GTPBP4: variants seen among roughly 807,000 people sequenced by gnomAD.
GTPBP4 encodes the protein GTP-binding protein 4.
A neutral mutation model predicts 81.7 loss-of-function variants in GTPBP4; 15 were observed. The ratio of observed to expected loss-of-function variants is 0.18; its 90% CI spans 0.12 to 0.28. GTPBP4 has a LOEUF of 0.28. GTPBP4 is among the 10% of genes least tolerant of loss of function. The pLI is 1.00. For synonymous variants in GTPBP4, 272 were observed against 274.6 expected, an observed-to-expected ratio of 0.99 and a Z score of 0.09; for missense variants, 847 against 793.8, an observed-to-expected ratio of 1.07 and a Z score of -0.81.
intron 16 of GTPBP4, among the ~76,000 whole-genome samples, 158 bp downstream of exon 16, chr10:1,016,054 C>G (rs112275815): frequency 1.3e-5 from 2 of 152,202 alleles, no homozygotes; most frequent in Non-Finnish European, 2.9e-5. Context: ...GAGGAGAGCA[C>G]GGGTCAGGGT....
In GTPBP4 at chr10:1,019,714, G is replaced by C. The variant is rs756409644; in HGVS notation, c.*2487G>C. 2 of 1,613,906 alleles carry C rather than the reference G, an allele frequency of 1.2e-6. No homozygotes were observed. Among genetic ancestry groups the C allele is most frequent in the Non-Finnish European group, 1.7e-6 (2 of 1,180,002 alleles). On this transcript the variant is annotated 3_prime_UTR_variant, in exon 17 of 17. Transcript: ENST00000360803. ...ATGCTTTTCGTTTCACTGGGATCCG[G>C]GTTCAGAGTGACGTTTTTCCTCACA...
At chr10:1,010,339 A>C in intron 12 of GTPBP4, 81 bp from the exon 13 acceptor site, 1 of 736,136 alleles carries the variant, frequency 1.4e-6, no homozygotes, top group South Asian at 1.5e-5. Flanking sequence ...ATTTGCCGTC[A>C]GTCACAACTC....
At chr10:1,009,135 C>G (rs1293090290) in intron 11 of GTPBP4, 100 bp downstream of exon 11, 4 of 833,314 alleles carry the variant, frequency 4.8e-6, no homozygotes, top group Non-Finnish European at 8.0e-6. Flanking sequence ...CCGCGGGTGC[C>G]CAGACACTGG....
chr10:1,003,830 C>T (rs1291113863), intron 8 of GTPBP4, among the ~76,000 whole-genome samples: 1 of 152,164 alleles, frequency 6.6e-6, no homozygotes, highest in African/African-American at 2.4e-5. Flanking sequence ...GGTGTCAGGT[C>T]TGACATGGTC....
chr10:1,005,796 C>T (rs745560019), intron 8 of GTPBP4, 22 bp from the exon 9 acceptor site: 15 of 1,345,642 alleles, frequency 1.1e-5, no homozygotes, highest in Admixed American at 3.4e-5. Context: ...ATACATCTCT[C>T]GTTTTTTCTT....
chr10:995,072 G>A (rs1033840681), intron 2 of GTPBP4, among the ~76,000 whole-genome samples: 1 of 152,194 alleles, frequency 6.6e-6, no homozygotes, highest in African/African-American at 2.4e-5. Context: ...ACATGGGATT[G>A]GAGGTGGTAG....
chr10:997,073 C>A (rs1831548962), intron 4 of GTPBP4, 135 bp from the exon 5 acceptor site: 1 of 682,964 alleles, frequency 1.5e-6, no homozygotes, highest in Non-Finnish European at 2.6e-6. Flanking sequence ...CTATTTTCTC[C>A]ATCACTTTTG....
chr10:991,853 G>T lies in GTPBP4; in HGVS notation c.49-636G>T, dbSNP rs547051467. ...TGGGACTACAGGTGCCCGCTACCAC[G>T]CCCGGCTAATTTTTTGTATTTTTAG... On this transcript the variant is annotated intron_variant, in intron 1 of 16. Transcript: ENST00000360803. Among the ~76,000 whole-genome samples, 1,093 of 148,894 alleles carry T rather than the reference G, an allele frequency of 7.3e-3. 17 individuals are homozygous for T. The highest frequency in any genetic ancestry group is 0.025 in the African/African-American group (1,032 of 40,842).
chr10:997,514 G>A (rs1301108840), intron 5 of GTPBP4, among the ~76,000 whole-genome samples: 3 of 152,218 alleles, frequency 2.0e-5, no homozygotes, highest in Non-Finnish European at 4.4e-5. Context: ...AGGAGTTCCC[G>A]GTGCCTGAGC....
chr10:989,020 C>T (rs1589020385), intron 1 of GTPBP4: 1 of 155,116 alleles, frequency 6.4e-6, no homozygotes, highest in Middle Eastern at 3.3e-3. Flanking sequence ...TTTGGGAATA[C>T]CTGTTCCTTT....
intron 15 of GTPBP4, among the ~76,000 whole-genome samples, chr10:1,014,826 T>C (rs1273664249): frequency 6.6e-6 from 1 of 150,532 alleles, no homozygotes; most frequent in African/African-American, 2.4e-5. Context: ...TGGGTTGAAG[T>C]GGTGGATTGA....
intron 2 of GTPBP4, among the ~76,000 whole-genome samples, chr10:995,537 G>A (rs550462052): frequency 1.7e-4 from 26 of 152,220 alleles, no homozygotes; most frequent in Non-Finnish European, 3.4e-4. Context: ...TTGGGGCTAT[G>A]GGAATTTTTG....
At chr10:991,818 C>G (rs933697871) in intron 1 of GTPBP4, among the ~76,000 whole-genome samples, 6 of 148,992 alleles carry the variant, frequency 4.0e-5, no homozygotes, top group African/African-American at 1.2e-4. Context: ...GCCTCAGCCT[C>G]CCGAGTAGCT....
At chr10:997,887 A>G (rs947650137) in intron 5 of GTPBP4, among the ~76,000 whole-genome samples, 31 of 152,150 alleles carry the variant, frequency 2.0e-4, no homozygotes, top group African/African-American at 7.0e-4. Context: ...CTCACTGACT[A>G]GGATAAGTGT....
At chr10:1,004,560 T>C (rs1378518487) in intron 8 of GTPBP4, among the ~76,000 whole-genome samples, 1 of 152,110 alleles carries the variant, frequency 6.6e-6, no homozygotes, top group Admixed American at 6.5e-5. Context: ...AGGTACCTCT[T>C]CAGCATAGAC....
chr10:1,010,370 G>C (rs3765102), intron 12 of GTPBP4, 50 bp from the exon 13 acceptor site: 181,935 of 904,320 alleles, frequency 0.2, 19,178 homozygotes, highest in East Asian at 0.3. Flanking sequence ...CGTAGTACTT[G>C]AAGATATTAA....
In GTPBP4 at chr10:1,005,859, A is replaced by G; in HGVS notation, c.954A>G (p.Ile318Met). 6.2e-7 allele frequency: 1 copy of G among 1,605,822 alleles called. No individual in the cohort carries two copies. Among genetic ancestry groups the G allele is most frequent in the Non-Finnish European group, 8.5e-7 (1 of 1,173,970 alleles). The change falls in exon 9 of 17, where the codon ATA becomes ATG. Residue 318 changes from isoleucine to methionine, a missense_variant. By Grantham distance (10) the Ile-to-Met change is conservative (BLOSUM62 1). This residue lies in a region of GTPBP4 where 600 missense variants were observed against 557.1 expected (regional missense o/e 1.08). Coordinates refer to ENST00000360803, the MANE Select transcript of GTPBP4 (RefSeq NM_012341.3). The part of the protein sequence containing the change: ...TDLQSEGFPV[I>M]ETSTLTEEGV... ...TGCAGTCTGAAGGATTCCCTGTAAT[A>G]GAGACCAGCACCCTGACTGAGGAAG... is the stretch of plus-strand genomic sequence containing the variant.
chr10:989,110 A>G (rs1255086041), intron 1 of GTPBP4, among the ~76,000 whole-genome samples: 1 of 139,580 alleles, frequency 7.2e-6, no homozygotes, highest in Non-Finnish European at 1.5e-5. Flanking sequence ...GTTGAGTATT[A>G]GGACTTTTTT....
chr10:1,014,888 A>AG (rs1831947591), intron 15 of GTPBP4, among the ~76,000 whole-genome samples: 1 of 151,176 alleles, frequency 6.6e-6, no homozygotes, highest in African/African-American at 2.4e-5. Flanking sequence ...AAAAAAAAAA[A>AG]AGCTCCACAG....
Sources: gnomAD v4.1 joint callset for allele counts (sites outside exome capture counted in the v4.1 genomes callset) on GRCh38, gnomAD v4.1.1 for gene constraint, gnomAD v4.1.1 regional missense constraint, MANE v1.5 for transcripts, NCBI Gene and HGNC (gene_info 2026-07-23, HGNC 2026-07-21) for gene names.